Variants in PARD3B observed in about 807,000 individuals in gnomAD.
PARD3B encodes the protein par-3 family cell polarity regulator beta.
A neutral mutation model predicts 130.2 loss-of-function variants in PARD3B; 103 were observed. The observed-to-expected ratio is 0.79, with a 90% CI of 0.67 to 0.93. The LOEUF is 0.93. PARD3B is among the 40% of genes least tolerant of loss of function. PARD3B has a pLI of 0.00. For missense variants in PARD3B, 1,609 were observed against 1,499.2 expected (o/e 1.07, Z -1.21); for synonymous variants, 583 against 553.2 (o/e 1.05, Z -0.76).
intron 1 of PARD3B, among the ~76,000 whole-genome samples, chr2:204,565,631 AT>A (rs1279996991): frequency 6.6e-6 from 1 of 152,180 alleles, no homozygotes; most frequent in African/African-American, 2.4e-5. Context: ...AAAATTTTTA[AT>A]TTTTGGATTA....
At chr2:205,350,573 A>T (rs550182503) in intron 18 of PARD3B, among the ~76,000 whole-genome samples, 36 of 152,292 alleles carry the variant, frequency 2.4e-4, no homozygotes, top group South Asian at 8.3e-4. Flanking sequence ...TTTTATGAGC[A>T]CTTTCCAAAA....
Position 205,407,571 on chromosome 2 carries a change from A to G in PARD3B, c.2741+6448A>G, listed in dbSNP as rs1007676026. 6.6e-6 allele frequency among the ~76,000 whole-genome samples: 1 copy of G among 152,204 alleles called. No homozygotes were observed. The highest frequency in any genetic ancestry group is 2.4e-5 in the African/African-American group (1 of 41,454). Reference sequence around the variant, plus strand: ...GTTTGTAACCTTTTACAAAGTATGAAATTAATCAGAATCTTGGACCTGTAA... The same window carrying G: ...GTTTGTAACCTTTTACAAAGTATGAGATTAATCAGAATCTTGGACCTGTAA... On this transcript the variant is annotated intron_variant, in intron 19 of 22. Coordinates refer to ENST00000406610, the MANE Select transcript of PARD3B (RefSeq NM_001302769.2). The surrounding 1 kb of genome is among the most constrained non-coding windows in gnomAD (Gnocchi z 4.1).
chr2:204,551,146 G>A (rs1428546577), intron 1 of PARD3B, among the ~76,000 whole-genome samples: 4 of 152,190 alleles, frequency 2.6e-5, no homozygotes, highest in African/African-American at 9.7e-5. Flanking sequence ...CAGAGGGCTC[G>A]TGGGGCCTGC....
chr2:205,246,793 T>C (rs1411516572), intron 16 of PARD3B, among the ~76,000 whole-genome samples: 1 of 152,180 alleles, frequency 6.6e-6, no homozygotes, highest in African/African-American at 2.4e-5. Context: ...GATTCTCTTG[T>C]GATAACAGCA....
At chr2:204,905,848 G>A (rs1242399021) in intron 2 of PARD3B, among the ~76,000 whole-genome samples, 1 of 152,158 alleles carries the variant, frequency 6.6e-6, no homozygotes, top group Non-Finnish European at 1.5e-5. Flanking sequence ...TTGAGGACCA[G>A]TAGCAAACCA....
chr2:205,523,171 T>C (rs1353431442), intron 21 of PARD3B, among the ~76,000 whole-genome samples: 2 of 150,370 alleles, frequency 1.3e-5, no homozygotes. Flanking sequence ...CTTCCTGTTT[T>C]ATATACCCTT....
intron 1 of PARD3B, among the ~76,000 whole-genome samples, chr2:204,564,083 C>T (rs2031520749): frequency 6.6e-6 from 1 of 152,136 alleles, no homozygotes; most frequent in South Asian, 2.1e-4. Flanking sequence ...CAGTGGTCTG[C>T]TTTATTAAGC....
rs559418400 is a variant in PARD3B, at chr2:205,183,099, A to C, written c.1925-2665A>C. ...TGGCAACAGCGAAGGCTTCATAGTA[A>C]AAGTGATATTTGGGTGGACCTTGGG... On this transcript the variant is annotated intron_variant, in intron 13 of 22. Transcript: ENST00000406610. The surrounding 1 kb of genome is among the most constrained non-coding windows in gnomAD (Gnocchi z 5.2). Among the ~76,000 whole-genome samples, 20 of 152,226 alleles carry C rather than the reference A, an allele frequency of 1.3e-4. 1 individual carries two copies. In the South Asian group the frequency reaches 3.5e-3, roughly 27 times the overall value.
At chr2:205,171,491 T>C (rs559692607) in intron 11 of PARD3B, among the ~76,000 whole-genome samples, 1 of 152,232 alleles carries the variant, frequency 6.6e-6, no homozygotes, top group East Asian at 1.9e-4. Flanking sequence ...TATGCCGAGG[T>C]TCTTTGTGCT....
intron 22 of PARD3B, among the ~76,000 whole-genome samples, chr2:205,553,887 G>T (rs2052761738): frequency 6.6e-6 from 1 of 152,024 alleles, no homozygotes; most frequent in South Asian, 2.1e-4. Flanking sequence ...AGCAAATATT[G>T]CTGAGAGGCA....
In PARD3B at chr2:205,269,598, CT is replaced by C; in HGVS notation, c.2185+23777del. Among the ~76,000 whole-genome samples, 1 of 152,160 alleles carries C rather than the reference CT, an allele frequency of 6.6e-6. No individual in the cohort carries two copies. Among genetic ancestry groups the C allele is most frequent in the East Asian group, 1.9e-4 (1 of 5,176 alleles). The stretch of plus-strand genomic sequence containing the variant: ...TGATTCTCAATAACCACACTTACAC[CT>C]GACAAACAAAAATGCATTACTCTGT... On this transcript the variant is annotated intron_variant, in intron 16 of 22. Transcript: ENST00000406610. The surrounding 1 kb of genome is among the most constrained non-coding windows in gnomAD (Gnocchi z 4.7).
In PARD3B at chr2:205,352,872, T is replaced by C. The variant is rs1000514681; in HGVS notation, c.2631-48141T>C. Among the ~76,000 whole-genome samples, 1 of 152,156 alleles carries C rather than the reference T, an allele frequency of 6.6e-6. No individual in the cohort carries two copies. The highest frequency in any genetic ancestry group is 2.4e-5 in the African/African-American group (1 of 41,436). ...ATCATAAAATTCAGAAGTGCCCTAT[T>C]ATATTAGGAAAGAATAACCCCCCAC... On this transcript the variant is annotated intron_variant, in intron 18 of 22. Transcript: ENST00000406610. The surrounding 1 kb of genome is among the most constrained non-coding windows in gnomAD (Gnocchi z 5.2).
At chr2:205,182,351 C>G (rs750178527) in intron 13 of PARD3B, among the ~76,000 whole-genome samples, 18 of 150,978 alleles carry the variant, frequency 1.2e-4, no homozygotes, top group Non-Finnish European at 2.2e-4. Context: ...ATACTTACCT[C>G]AACAAACAAG....
intron 1 of PARD3B, among the ~76,000 whole-genome samples, chr2:204,666,726 A>G (rs2036041218): frequency 6.6e-6 from 1 of 152,170 alleles, no homozygotes. Context: ...ATGAAAAAAA[A>G]ACACCTAAGG....
At chr2:205,559,016 G>A (rs2053023351) in intron 22 of PARD3B, among the ~76,000 whole-genome samples, 1 of 152,142 alleles carries the variant, frequency 6.6e-6, no homozygotes, top group African/African-American at 2.4e-5. Context: ...CCTAACATAA[G>A]GCCATGTATA....
chr2:205,066,438 C>A (rs1700381544), intron 4 of PARD3B, among the ~76,000 whole-genome samples: 1 of 152,186 alleles, frequency 6.6e-6, no homozygotes, highest in Non-Finnish European at 1.5e-5. Flanking sequence ...ACAGATAATT[C>A]TTGTTATTTC....
At chr2:204,564,398 G>A (rs1271081240) in intron 1 of PARD3B, among the ~76,000 whole-genome samples, 1 of 152,146 alleles carries the variant, frequency 6.6e-6, no homozygotes, top group South Asian at 2.1e-4. Context: ...TCATGTGGCA[G>A]AGATGATGGA....
chr2:204,998,354 ATATATGTG>A lies in PARD3B; in HGVS notation c.394+33033_394+33040del, dbSNP rs1204216284. Among the ~76,000 whole-genome samples, 78 of 72,944 alleles carry A rather than the reference ATATATGTG, an allele frequency of 1.1e-3. 1 individual carries two copies. The highest frequency in any genetic ancestry group is 2.4e-3 in the Admixed American group (12 of 5,080). 47.9% of individuals were successfully genotyped at this position (72,944 alleles called of 152,430 possible). ...TATATATATATATATATATATATAT[ATATATGTG>A]TGTGTGTGTGTGTATATATGTGTGT... On this transcript the variant is annotated intron_variant, in intron 3 of 22. Transcript: ENST00000406610.
intron 2 of PARD3B, among the ~76,000 whole-genome samples, chr2:204,963,980 A>T (rs1228710564): frequency 6.6e-6 from 1 of 152,216 alleles, no homozygotes; most frequent in Non-Finnish European, 1.5e-5. Context: ...GAAAGATCGA[A>T]CTTGAAATTT....
Sources: allele counts gnomAD v4.1 joint callset (sites outside exome capture counted in the v4.1 genomes callset), GRCh38; gene constraint gnomAD v4.1.1; non-coding constraint Gnocchi (gnomAD v3.1); transcripts MANE v1.5; gene names NCBI Gene and HGNC (gene_info 2026-07-23, HGNC 2026-07-21).